ADGRG6: variants seen among roughly 807,000 people sequenced by gnomAD.
ADGRG6 encodes the protein G-protein coupled receptor 126.
Under a neutral mutation model 142.4 loss-of-function variants are expected in ADGRG6, and 84 were observed. That is an observed-to-expected ratio of 0.59 (90% CI 0.49 to 0.71). The LOEUF (loss-of-function observed/expected upper bound fraction) is 0.71, where lower values mean the gene tolerates loss of function less well. Ranked by LOEUF, ADGRG6 falls within the 30% of genes least tolerant of loss-of-function variation. The pLI, the probability that ADGRG6 is intolerant of heterozygous loss-of-function variation, is 0.00. For synonymous variants in ADGRG6, 521 were observed against 520.5 expected (o/e 1.00, Z -0.01); for missense variants, 1,367 against 1,466.6 (o/e 0.93, Z 1.11).
chr6:142,403,705 T>G (rs912632772), intron 13 of ADGRG6, 97 bp from the exon 14 acceptor site: 34 of 721,088 alleles, frequency 4.7e-5, no homozygotes, highest in Non-Finnish European at 6.5e-6. Context: ...AAACACAATT[T>G]TATTTTGTTT....
intron 2 of ADGRG6, among the ~76,000 whole-genome samples, chr6:142,326,060 A>G (rs1409324780): frequency 2.0e-5 from 3 of 152,114 alleles, no homozygotes; most frequent in Non-Finnish European, 4.4e-5. Flanking sequence ...TAGTATAATA[A>G]AATATTAATA....
intron 22 of ADGRG6, among the ~76,000 whole-genome samples, chr6:142,425,543 A>T (rs1216705636): frequency 1.3e-5 from 2 of 152,212 alleles, no homozygotes; most frequent in African/African-American, 2.4e-5. Flanking sequence ...GCAGAGCAAC[A>T]TCCTGAAAGC....
intron 3 of ADGRG6, among the ~76,000 whole-genome samples, chr6:142,369,218 G>A (rs1781102445): frequency 6.6e-6 from 1 of 152,028 alleles, no homozygotes; most frequent in African/African-American, 2.4e-5. Flanking sequence ...TATTATATTA[G>A]CATAGGGCTA....
intron 2 of ADGRG6, among the ~76,000 whole-genome samples, chr6:142,327,843 T>A (rs1778853485): frequency 6.6e-6 from 1 of 152,094 alleles, no homozygotes; most frequent in South Asian, 2.1e-4. Context: ...AAAACAAGAA[T>A]CCTACATTTT....
chr6:142,440,900 T>C, intron 24 of ADGRG6: 1 of 1,380,558 alleles, frequency 7.2e-7, no homozygotes, highest in Non-Finnish European at 9.9e-7. Flanking sequence ...CATATGTTTA[T>C]GGTATAGATA....
intron 2 of ADGRG6, among the ~76,000 whole-genome samples, chr6:142,312,490 T>G (rs9385992): frequency 6.6e-6 from 1 of 152,034 alleles, no homozygotes; most frequent in African/African-American, 2.4e-5. Context: ...TATTTACACT[T>G]GTACCATAGA....
At chr6:142,371,692 A>G (rs1273596593) in intron 4 of ADGRG6, among the ~76,000 whole-genome samples, 2 of 151,936 alleles carry the variant, frequency 1.3e-5, no homozygotes, top group East Asian at 3.9e-4. Flanking sequence ...TCACTGTGTT[A>G]GCCAGGATGG....
At chr6:142,367,934 A>G (rs561557732) in intron 3 of ADGRG6, 24 bp downstream of exon 3, 1 of 1,336,352 alleles carries the variant, frequency 7.5e-7, no homozygotes, top group East Asian at 2.3e-5. Context: ...AGGCAACGCC[A>G]ACCTTCTGCT....
intron 18 of ADGRG6, among the ~76,000 whole-genome samples, chr6:142,412,244 T>C (rs748405480): frequency 6.6e-6 from 1 of 152,206 alleles, no homozygotes; most frequent in Non-Finnish European, 1.5e-5. Context: ...TGCTCTGGGT[T>C]GTAGCATAGC....
In ADGRG6 at chr6:142,420,104, G is replaced by A. The variant is rs1776588858; in HGVS notation, c.3319G>A (p.Gly1107Ser). Residue 1107 changes from glycine (G) to serine (S), a missense_variant and splice_region_variant, in exon 22 of 25, where the codon GGC (glycine) becomes AGC (serine). Around this residue, in one of 3 missense-constraint regions of ADGRG6, gnomAD observed 344 missense variants for 348.7 expected, o/e 0.99. Transcript: ENST00000367609. Reference protein sequence around the residue: ...YLFSIFNSLQGLFIFIFHCAM... With the variant: ...YLFSIFNSLQSLFIFIFHCAM... ...CTTCTCCATCTTCAATTCATTACAA[G>A]GTAAGATAAATTGTACATGAATAGT... 1 of 1,608,316 alleles carries A rather than the reference G, an allele frequency of 6.2e-7. No homozygotes were observed. The highest frequency in any genetic ancestry group is 1.3e-5 in the African/African-American group (1 of 74,698).
At chr6:142,397,491 C>T (rs935172183) in intron 9 of ADGRG6, 122 bp from the exon 10 acceptor site, 14 of 752,826 alleles carry the variant, frequency 1.9e-5, no homozygotes, top group Non-Finnish European at 2.8e-5. Flanking sequence ...AGCACCTTGG[C>T]TAATCTCTTC....
chr6:142,420,008 T>G lies in ADGRG6; in HGVS notation c.3223T>G (p.Phe1075Val), dbSNP rs1429772250. The G allele has an allele frequency of 1.2e-6, 2 of 1,613,482 alleles. No individual in the cohort carries two copies. The highest frequency in any genetic ancestry group is 1.7e-6 in the Non-Finnish European group (2 of 1,179,628). ...CCTGCGCAGTGTGGTTAGCTTGACCTTTCTGTTGGGCATGACATGGGGTTT... is the reference window on the plus strand; with the variant it reads ...CCTGCGCAGTGTGGTTAGCTTGACCGTTCTGTTGGGCATGACATGGGGTTT... Reference protein sequence around the residue: ...RNLRSVVSLTFLLGMTWGFAF... With the variant: ...RNLRSVVSLTVLLGMTWGFAF... Residue 1075 changes from phenylalanine (F) to valine (V), a missense_variant, in exon 22 of 25, where the codon TTT (phenylalanine) becomes GTT (valine). By Grantham distance (50) the Phe-to-Val change is conservative (BLOSUM62 -1). Transcript: ENST00000367609.
chr6:142,324,889 C>T (rs1013295898), intron 2 of ADGRG6, among the ~76,000 whole-genome samples: 16 of 151,996 alleles, frequency 1.1e-4, no homozygotes, highest in Admixed American at 7.2e-4. Flanking sequence ...GGTACTGCAA[C>T]GGGAATGAAG....
In ADGRG6 at chr6:142,397,802, TTC is replaced by T. The variant is rs576263087; in HGVS notation, c.1567+48_1567+49del. 1.7e-4 allele frequency: 212 copies of T among 1,242,152 alleles called. 1 individual carries two copies. The South Asian group carries it at 3.5e-3, about 21-fold the overall frequency. The allele number at this position is 1,242,152 out of a possible 1,614,324, so 76.9% of individuals were successfully genotyped here. Reference sequence around the variant, plus strand: ...AATATGCATTTTATACAACTGTATATTCAGGTTTACTTGAAACAACAGCAGAA... The same window carrying T: ...AATATGCATTTTATACAACTGTATATAGGTTTACTTGAAACAACAGCAGAA... On this transcript the variant is annotated intron_variant, in intron 10 of 24. Coordinates refer to ENST00000367609, the MANE Select transcript of ADGRG6 (RefSeq NM_198569.3).
At chr6:142,384,491 C>T (rs1212837431) in intron 6 of ADGRG6, among the ~76,000 whole-genome samples, 1 of 152,024 alleles carries the variant, frequency 6.6e-6, no homozygotes, top group African/African-American at 2.4e-5. Context: ...AAGAAATAAA[C>T]AGAGGAAAAG....
chr6:142,397,691 C>G lies in ADGRG6; in HGVS notation c.1503C>G (p.Leu501=). The G allele has an allele frequency of 6.2e-7, 1 of 1,608,136 alleles. No individual in the cohort carries two copies. The highest frequency in any genetic ancestry group is 8.5e-7 in the Non-Finnish European group (1 of 1,176,604). ...AAGGAAAAATCATTCAGCAGAAGCT[C>G]CTAAAAAATAATGAGTCCTTGGATG... The part of the protein sequence containing the change: ...NLEGKIIQQK[L]LKNNESLDEG... Residue 501 remains leucine (L), a synonymous_variant, in exon 10 of 25, where the codon CTC becomes CTG. Coordinates refer to ENST00000367609, the MANE Select transcript of ADGRG6 (RefSeq NM_198569.3).
At chr6:142,399,103 C>T (rs1775366882) in intron 10 of ADGRG6, among the ~76,000 whole-genome samples, 1 of 152,112 alleles carries the variant, frequency 6.6e-6, no homozygotes, top group Non-Finnish European at 1.5e-5. Flanking sequence ...TGCAATTATA[C>T]TGTGATTAGG....
chr6:142,367,570 G>A lies in ADGRG6; in HGVS notation c.105G>A (p.Val35=). 3 of 1,612,456 alleles carry A rather than the reference G, an allele frequency of 1.9e-6. No homozygotes were observed. The highest frequency in any genetic ancestry group is 2.5e-6 in the Non-Finnish European group (3 of 1,178,876). ...GTCTCTCTTTTGTCTGGCCAGCAGT[G>A]TGGGGATGTGCCAACTGCCGAGTGG... ...ALYIMCVPHS[V]WGCANCRVVL... Residue 35 remains valine (V), a splice_region_variant and synonymous_variant, in exon 3 of 25, where the codon GTG becomes GTA. Coordinates refer to ENST00000367609, the MANE Select transcript of ADGRG6 (RefSeq NM_198569.3).
In ADGRG6 at chr6:142,302,085, G is replaced by C. The variant is rs2114460865; in HGVS notation, c.-245G>C. ...CTCACCCTGCCAACTTCCCTGCGAG[G>C]AGGGACCTGCCGCCAGCCTGCTTCC... On this transcript the variant is annotated 5_prime_UTR_variant, in exon 1 of 25. Coordinates refer to ENST00000367609, the MANE Select transcript of ADGRG6 (RefSeq NM_198569.3). The C allele has an allele frequency of 1.9e-6, 1 of 531,800 alleles. No individual in the cohort carries two copies. The highest frequency in any genetic ancestry group is 3.3e-6 in the Non-Finnish European group (1 of 303,064). 32.9% of individuals were successfully genotyped at this position (531,800 alleles called of 1,614,324 possible). A position where few individuals can be genotyped will look rare whatever the true frequency, so the allele number is the denominator to read the frequency against.
Sources: gnomAD v4.1 joint callset for allele counts (sites outside exome capture counted in the v4.1 genomes callset) on GRCh38, gnomAD v4.1.1 for gene constraint, gnomAD v4.1.1 regional missense constraint, MANE v1.5 for transcripts, NCBI Gene and HGNC (gene_info 2026-07-23, HGNC 2026-07-21) for gene names.